Variants in INPP5F observed in about 807,000 individuals in gnomAD.
INPP5F encodes inositol polyphosphate-5-phosphatase F, also known as phosphatidylinositide 4-phosphatase SAC2.
INPP5F carries 97 observed loss-of-function variants against 137.2 expected under a neutral mutation model. That is an observed-to-expected ratio of 0.71 (90% CI 0.60 to 0.84). The LOEUF is 0.84. Among genes scored for constraint, INPP5F ranks in the 40% least tolerant of loss-of-function variants. The pLI, the probability that INPP5F is intolerant of heterozygous loss-of-function variation, is 0.00. For missense variants in INPP5F, 1,271 were observed against 1,371.9 expected (o/e 0.93, Z 1.16); for synonymous variants, 504 against 476.9 (o/e 1.06, Z -0.74).
At chr10:119,777,270 G>A (rs975027707) in intron 2 of INPP5F, among the ~76,000 whole-genome samples, 2 of 152,148 alleles carry the variant, frequency 1.3e-5, no homozygotes, top group East Asian at 3.8e-4. Flanking sequence ...AGCAGTTTGA[G>A]AGGCCAAGTC....
At chr10:119,823,273 G>C in intron 18 of INPP5F, 74 bp downstream of exon 18, 1 of 1,425,356 alleles carries the variant, frequency 7.0e-7, no homozygotes, top group Admixed American at 1.9e-5. Context: ...TGGAATTGGG[G>C]ACATTTCATA....
intron 19 of INPP5F, among the ~76,000 whole-genome samples, chr10:119,825,289 T>C (rs996390886): frequency 6.6e-6 from 1 of 152,218 alleles, no homozygotes; most frequent in African/African-American, 2.4e-5. Context: ...TTAAAAGATG[T>C]GGGTATTTCA....
intron 13 of INPP5F, among the ~76,000 whole-genome samples, chr10:119,809,473 G>C (rs1012343884): frequency 2.0e-5 from 3 of 152,004 alleles, no homozygotes; most frequent in Non-Finnish European, 4.4e-5. Flanking sequence ...TTGGGATGGG[G>C]AAAAAGAGAC....
chr10:119,822,981 T>C (rs2134299379), intron 17 of INPP5F, 90 bp from the exon 18 acceptor site: 2 of 1,286,568 alleles, frequency 1.6e-6, no homozygotes, highest in Admixed American at 2.3e-5. Context: ...ATTTATATTA[T>C]GAAGAAAAAT....
intron 15 of INPP5F, among the ~76,000 whole-genome samples, chr10:119,815,065 C>T (rs1013969581): frequency 6.6e-6 from 1 of 152,106 alleles, no homozygotes; most frequent in African/African-American, 2.4e-5. Context: ...TGGCGTTTCA[C>T]CCTGTTAGCC....
At chr10:119,823,772 A>AT (rs774970279) in intron 18 of INPP5F, 43 bp from the exon 19 acceptor site, 4 of 1,456,108 alleles carry the variant, frequency 2.7e-6, no homozygotes, top group Non-Finnish European at 3.8e-6. Context: ...TTTTTTTAGT[A>AT]TGTTTATGGA....
In INPP5F at chr10:119,821,000, AT is replaced by A. The variant is rs1168657981; in HGVS notation, c.1958+84del. 1.0e-4 allele frequency: 87 copies of A among 845,086 alleles called. No individual in the cohort carries two copies. The East Asian group carries it at 1.6e-3, about 16-fold the overall frequency. The allele number at this position is 845,086 out of a possible 1,614,324, so 52.3% of individuals were successfully genotyped here. A position where few individuals can be genotyped will look rare whatever the true frequency, so the allele number is the denominator to read the frequency against. On this transcript the variant is annotated intron_variant, in intron 16 of 19. Coordinates refer to ENST00000650623, the MANE Select transcript of INPP5F (RefSeq NM_014937.4). Reference sequence around the variant, plus strand: ...TCTTTTTAGAATTCGTAACAAAAAAATGTGAGAATATGGTTTTGTTATGTAT... The same window carrying A: ...TCTTTTTAGAATTCGTAACAAAAAAAGTGAGAATATGGTTTTGTTATGTAT...
chr10:119,759,762 C>T (rs1424024192), intron 2 of INPP5F, among the ~76,000 whole-genome samples: 1 of 152,186 alleles, frequency 6.6e-6, no homozygotes, highest in Non-Finnish European at 1.5e-5. Flanking sequence ...GTCTTGGAAG[C>T]AGGCAGCTAA....
chr10:119,799,553 T>A (rs1850509687), intron 9 of INPP5F, among the ~76,000 whole-genome samples: 1 of 151,774 alleles, frequency 6.6e-6, no homozygotes, highest in African/African-American at 2.4e-5. Context: ...ACCCTCAAAT[T>A]GAAAAAAAAT....
chr10:119,762,695 A>G (rs758458748), intron 2 of INPP5F, among the ~76,000 whole-genome samples: 25 of 152,334 alleles, frequency 1.6e-4, no homozygotes, highest in South Asian at 8.3e-4. Context: ...TATTAATACT[A>G]TGCCATTTTA....
At chr10:119,817,346 G>C (rs1851316693) in intron 15 of INPP5F, among the ~76,000 whole-genome samples, 2 of 152,284 alleles carry the variant, frequency 1.3e-5, no homozygotes, top group African/African-American at 4.8e-5. Flanking sequence ...GTTCTTTTGG[G>C]TGGAAATGGC....
intron 1 of INPP5F, among the ~76,000 whole-genome samples, chr10:119,747,794 ACTTC>A (rs1384024547): frequency 1.3e-5 from 2 of 152,342 alleles, no homozygotes; most frequent in African/African-American, 4.8e-5. Flanking sequence ...TTGAGGAAGT[ACTTC>A]CTTAAGTGGA....
chr10:119,730,862 A>G (rs1311130538), intron 1 of INPP5F, among the ~76,000 whole-genome samples: 2 of 151,446 alleles, frequency 1.3e-5, no homozygotes, highest in African/African-American at 4.9e-5. Flanking sequence ...ATCTTGGCGC[A>G]CTGCAACCTC....
chr10:119,794,908 C>G (rs1850294414), intron 6 of INPP5F, among the ~76,000 whole-genome samples: 1 of 127,752 alleles, frequency 7.8e-6, no homozygotes, highest in East Asian at 2.4e-4. Context: ...GGCTGACCCC[C>G]CCACCTCCCT....
rs532371857 is a variant in INPP5F, at chr10:119,730,400, G to A, written c.97+4041G>A. On this transcript the variant is annotated intron_variant, in intron 1 of 19. Transcript: ENST00000650623. ...GCTGGGATTACAGGCATGAGCCACC[G>A]CGCCCGGCCTGGTTATTTTATTTTC... 3.3e-5 allele frequency among the ~76,000 whole-genome samples: 5 copies of A among 152,274 alleles called. No homozygotes were observed. The East Asian group carries it at 5.8e-4, about 18-fold the overall frequency.
At chr10:119,759,452 C>A (rs770955582) in intron 2 of INPP5F, among the ~76,000 whole-genome samples, 1 of 152,044 alleles carries the variant, frequency 6.6e-6, no homozygotes, top group African/African-American at 2.4e-5. Context: ...TGCAGTGGCA[C>A]AATCTTGGCT....
In INPP5F at chr10:119,827,189, T is replaced by A; in HGVS notation, c.2808T>A (p.Pro936=). The A allele has an allele frequency of 6.2e-7, 1 of 1,614,128 alleles. No individual in the cohort carries two copies. The change falls in exon 20 of 20, where the codon CCT becomes CCA. Residue 936 remains proline (P), a synonymous_variant. Coordinates refer to ENST00000650623, the MANE Select transcript of INPP5F (RefSeq NM_014937.4). The part of the protein sequence containing the change: ...GSGLGKGQES[P]LKKSPSAGDV... ...GGCTTGGAAAAGGCCAGGAGTCTCC[T>A]TTGAAGAAAAGTCCTTCTGCTGGCG...
At chr10:119,785,570 G>GAGAGAGAGAC (rs1849874773) in intron 3 of INPP5F, among the ~76,000 whole-genome samples, 1 of 151,542 alleles carries the variant, frequency 6.6e-6, no homozygotes, top group Admixed American at 6.6e-5. Context: ...GAGAGAGAGA[G>GAGAGAGAGAC]AGAGAGAGAC....
chr10:119,743,338 G>A (rs138961020), intron 1 of INPP5F, among the ~76,000 whole-genome samples: 8 of 152,150 alleles, frequency 5.3e-5, no homozygotes, highest in Admixed American at 2.6e-4. Context: ...ACAGAAGCTC[G>A]AGGAGACAAG....
Sources: allele counts gnomAD v4.1 joint callset (sites outside exome capture counted in the v4.1 genomes callset), GRCh38; gene constraint gnomAD v4.1.1; transcripts MANE v1.5; gene names NCBI Gene and HGNC (gene_info 2026-07-23, HGNC 2026-07-21).